The following CLIC5 variants were observed in gnomAD, a reference collection of about 807,000 sequenced individuals.
CLIC5 encodes the protein chloride intracellular channel protein 5.
CLIC5 carries 20 observed loss-of-function variants against 24.7 expected under a neutral mutation model. That is an observed-to-expected ratio of 0.81 (90% CI 0.57 to 1.18). CLIC5 has a LOEUF of 1.18. Ranked by LOEUF, CLIC5 falls within the 50% of genes most tolerant of loss-of-function variation. The pLI is 0.00. For synonymous variants in CLIC5, 159 were observed against 135.6 expected (o/e 1.17, Z -1.20); for missense variants, 341 against 326.1 (o/e 1.05, Z -0.35).
At chr6:46,028,109 A>T (rs1767392520) in intron 1 of CLIC5, among the ~76,000 whole-genome samples, 1 of 152,202 alleles carries the variant, frequency 6.6e-6, no homozygotes, top group Non-Finnish European at 1.5e-5. Context: ...GCCTCCCAAC[A>T]TTAATGTGGA....
In CLIC5 at chr6:46,080,011, C is replaced by T. The variant is rs1167356138; in HGVS notation, c.232G>A (p.Asp78Asn). 9 of 1,551,716 alleles carry T rather than the reference C, an allele frequency of 5.8e-6. No individual in the cohort carries two copies. In the South Asian group the frequency reaches 5.9e-5, roughly 10 times the overall value. Residue 78 changes from aspartate to asparagine, a missense_variant, in exon 1 of 6, where the codon GAC becomes AAC. Asp to Asn is a conservative substitution (Grantham distance 23, BLOSUM62 1). Coordinates refer to the CLIC5 transcript ENST00000185206. Reference sequence around the variant, plus strand: ...TCATCAGGCAGGAGGTAGCCTCTGTCTTCTGACTGGACAGAGGCCAAGCTG... The same window carrying T: ...TCATCAGGCAGGAGGTAGCCTCTGTTTTCTGACTGGACAGAGGCCAAGCTG...
At chr6:46,123,176 A>T in the CLIC5 span, 1 of 152,208 alleles carries the variant, frequency 6.6e-6, no homozygotes, top group Non-Finnish European at 1.5e-5. Context: ...CAATGCAAAA[A>T]TCCTCAATAA....
chr6:46,059,046 A>T (rs1768342483), intron 1 of CLIC5, among the ~76,000 whole-genome samples: 1 of 152,228 alleles, frequency 6.6e-6, no homozygotes, highest in African/African-American at 2.4e-5. Context: ...CTCCAGGCTC[A>T]ACCTGGATGT....
Position 45,912,561 on chromosome 6 carries a change from G to T in CLIC5, c.588+1667C>A, listed in dbSNP as rs555808743. 14 of 1,408,868 alleles carry T rather than the reference G, an allele frequency of 9.9e-6. No homozygotes were observed. The Admixed American group carries it at 2.6e-4, about 26-fold the overall frequency. The allele number at this position is 1,408,868 out of a possible 1,614,324, so 87.3% of individuals were successfully genotyped here. ...GCAAGAAGGAATACAATCCACTTCT[G>T]TTCTTCTAGGCATGAGAAAAATGAA... On this transcript the variant is annotated intron_variant, in intron 5 of 5. Transcript: ENST00000339561.
At chr6:45,983,323 C>T (rs1348516417) in intron 1 of CLIC5, among the ~76,000 whole-genome samples, 2 of 152,238 alleles carry the variant, frequency 1.3e-5, no homozygotes, top group Non-Finnish European at 2.9e-5. Context: ...TGCTGTCATG[C>T]ACAGAGCCAC....
chr6:45,911,551 G>A, intron 5 of CLIC5: 1 of 932,764 alleles, frequency 1.1e-6, no homozygotes, highest in South Asian at 4.9e-5. Context: ...GGATGAAAAG[G>A]GTCTCCAATA....
Position 46,061,919 on chromosome 6 carries a change from G to A in CLIC5, c.540+17784C>T, listed in dbSNP as rs372979860. On this transcript the variant is annotated intron_variant, in intron 1 of 5. Coordinates refer to the CLIC5 transcript ENST00000185206. The stretch of plus-strand genomic sequence containing the variant: ...ACCCAGGGAAGAGCCTGTGACCACA[G>A]AACTGATTGGTCTTCAAGCCAGATC... 9.2e-5 allele frequency among the ~76,000 whole-genome samples: 14 copies of A among 152,318 alleles called. No individual in the cohort carries two copies. The East Asian group carries it at 2.3e-3, about 25-fold the overall frequency.
the CLIC5 span, among the ~76,000 whole-genome samples, chr6:46,101,999 T>G: frequency 6.6e-6 from 1 of 150,666 alleles, no homozygotes; most frequent in African/African-American, 2.4e-5. Context: ...GTGGGGGTGG[T>G]ATGAGGAGTG....
the CLIC5 span, among the ~76,000 whole-genome samples, chr6:46,096,366 T>C: frequency 6.6e-6 from 1 of 152,200 alleles, no homozygotes; most frequent in Non-Finnish European, 1.5e-5. Context: ...AGCAAATGGA[T>C]AAATAAGTTG....
At position 46,031,869 on chromosome 6, in the gene CLIC5, A is replaced by G. The variant is rs1415935226; in HGVS notation, c.540+47834T>C. ...TTGTAAAATATATATATACACATAT[A>G]TATATAACATATATATATACACACA... On this transcript the variant is annotated intron_variant, in intron 1 of 5. Coordinates refer to the CLIC5 transcript ENST00000185206. Among the ~76,000 whole-genome samples, 5 of 148,288 alleles carry G rather than the reference A, an allele frequency of 3.4e-5. No homozygotes were observed. The Admixed American group carries it at 3.4e-4, about 10-fold the overall frequency.
chr6:46,055,978 T>A (rs558529652), intron 1 of CLIC5, among the ~76,000 whole-genome samples: 1 of 152,306 alleles, frequency 6.6e-6, no homozygotes, highest in South Asian at 2.1e-4. Flanking sequence ...CTTTGAATTG[T>A]GCAAAACAAA....
intron 1 of CLIC5, among the ~76,000 whole-genome samples, chr6:45,996,421 C>A (rs1004296673): frequency 6.6e-6 from 1 of 152,090 alleles, no homozygotes; most frequent in African/African-American, 2.4e-5. Flanking sequence ...AGTCCTTGCC[C>A]ATGCCTATGT....
the CLIC5 span, among the ~76,000 whole-genome samples, chr6:46,104,851 AAACTGCCTGCTTTGGACC>A: frequency 6.6e-6 from 1 of 152,208 alleles, no homozygotes; most frequent in African/African-American, 2.4e-5. Context: ...TTGTACATTA[AAACTGCCTGCTTTGGACC>A]CTTTGCAGGA....
chr6:45,925,689 G>A (rs1438230040), intron 4 of CLIC5, among the ~76,000 whole-genome samples: 2 of 152,200 alleles, frequency 1.3e-5, no homozygotes, highest in East Asian at 1.9e-4. Context: ...AGAATAAGCC[G>A]TTCAGTGGGG....
At chr6:46,096,142 T>C in the CLIC5 span, among the ~76,000 whole-genome samples, 11 of 151,560 alleles carry the variant, frequency 7.3e-5, no homozygotes, top group African/African-American at 2.2e-4. Context: ...TAGGGGGAGG[T>C]GCCACACACT....
chr6:45,976,072 A>AGT (rs1212222853), intron 1 of CLIC5, among the ~76,000 whole-genome samples: 17 of 152,158 alleles, frequency 1.1e-4, no homozygotes, highest in Admixed American at 2.0e-4. Flanking sequence ...TCTGCCTATC[A>AGT]CAAAGAGTGA....
At chr6:45,921,350 T>C (rs1010744778) in intron 4 of CLIC5, among the ~76,000 whole-genome samples, 3 of 152,128 alleles carry the variant, frequency 2.0e-5, no homozygotes, top group Non-Finnish European at 4.4e-5. Flanking sequence ...ACTGGTTTCA[T>C]CAAGGAAGAA....
chr6:46,016,103 G>A (rs569032228), upstream of CLIC5, among the ~76,000 whole-genome samples: 11 of 148,194 alleles, frequency 7.4e-5, no homozygotes, highest in African/African-American at 2.5e-4. Context: ...GAAGGGGAAG[G>A]GGAAGAGGAA....
At chr6:45,927,413 A>C (rs1763542465) in intron 4 of CLIC5, among the ~76,000 whole-genome samples, 1 of 152,210 alleles carries the variant, frequency 6.6e-6, no homozygotes, top group African/African-American at 2.4e-5. Context: ...GTGGGAAACC[A>C]GGATATGCCA....
Sources: allele counts gnomAD v4.1 joint callset (sites outside exome capture counted in the v4.1 genomes callset), GRCh38; gene constraint gnomAD v4.1.1; transcripts MANE v1.5; gene names NCBI Gene and HGNC (gene_info 2026-07-23, HGNC 2026-07-21).